The following ARF3 variants were observed in gnomAD, a reference collection of about 807,000 sequenced individuals.
The protein encoded by ARF3 is ARF GTPase 3, also known as ADP-ribosylation factor 3.
ARF3 carries 5 observed loss-of-function variants against 19.3 expected under a neutral mutation model. The ratio of observed to expected loss-of-function variants is 0.26; its 90% CI spans 0.14 to 0.54. The LOEUF (loss-of-function observed/expected upper bound fraction) is 0.54, where lower values mean the gene tolerates loss of function less well. Among genes scored for constraint, ARF3 ranks in the 20% least tolerant of loss-of-function variants. The pLI, the probability that ARF3 is intolerant of heterozygous loss-of-function variation, is 0.95. For synonymous variants in ARF3, 71 were observed against 89.2 expected, an observed-to-expected ratio of 0.80 and a Z score of 1.15; for missense variants, 77 against 234.2, an observed-to-expected ratio of 0.33 and a Z score of 4.38.
At chr12:48,949,590 T>C (rs2137590809) in intron 1 of ARF3, among the ~76,000 whole-genome samples, 1 of 152,204 alleles carries the variant, frequency 6.6e-6, no homozygotes, top group South Asian at 2.1e-4. Flanking sequence ...CCACTCAGAC[T>C]AGAGTGCAGT....
rs541260896 is a variant in ARF3, at chr12:48,943,704, C to T, written c.-93-2516G>A. On this transcript the variant is annotated intron_variant, in intron 1 of 4. Transcript: ENST00000256682. ...CTGAAGACCAAAGTACTAGTTTGTC[C>T]GAAAAAACAGAAACAATGAGTGCTT... Among the ~76,000 whole-genome samples, 8 of 152,172 alleles carry T rather than the reference C, an allele frequency of 5.3e-5. No homozygotes were observed. In the East Asian group the frequency reaches 9.7e-4, roughly 18 times the overall value.
intron 1 of ARF3, among the ~76,000 whole-genome samples, chr12:48,943,679 C>T (rs935323220): frequency 6.6e-6 from 1 of 152,164 alleles, no homozygotes; most frequent in Non-Finnish European, 1.5e-5. Flanking sequence ...TCAACAGTCC[C>T]TGAAGACCAA....
At chr12:48,955,789 A>C (rs901236273) in intron 1 of ARF3, 2 of 152,216 alleles carry the variant, frequency 1.3e-5, no homozygotes, top group Non-Finnish European at 2.9e-5. Context: ...GACAACTATA[A>C]AAATTCTAAC....
At position 48,937,300 on chromosome 12, in the gene ARF3, G is replaced by GC. The variant is rs1023170713; in HGVS notation, c.*1646dup. ...TCAGCCATGCTGTGGGGGGCCCTGG[G>GC]CCCTGACCTTAGCAGGTTATGGGCA... On this transcript the variant is annotated 3_prime_UTR_variant, in exon 5 of 5. Coordinates refer to ENST00000256682, the MANE Select transcript of ARF3 (RefSeq NM_001659.3). The GC allele has an allele frequency of 4.6e-5, 7 of 152,256 alleles. No homozygotes were observed. Among genetic ancestry groups the GC allele is most frequent in the Non-Finnish European group, 1.0e-4 (7 of 68,066 alleles). 9.4% of individuals were successfully genotyped at this position (152,256 alleles called of 1,614,324 possible).
chr12:48,942,053 A>C (rs1940268491), intron 1 of ARF3, among the ~76,000 whole-genome samples: 1 of 152,090 alleles, frequency 6.6e-6, no homozygotes, highest in Non-Finnish European at 1.5e-5. Flanking sequence ...AACCAAACTC[A>C]GGTCATATGA....
rs1165062885 is a variant in ARF3, at chr12:48,938,433, C to T, written c.*514G>A. On this transcript the variant is annotated 3_prime_UTR_variant, in exon 5 of 5. Coordinates refer to ENST00000256682, the MANE Select transcript of ARF3 (RefSeq NM_001659.3). ...AGCTTCACTCCACCCCCTCCCCGCTCCCCCCGGCCCCCACAAATATATCTC... is the reference window on the plus strand; with the variant it reads ...AGCTTCACTCCACCCCCTCCCCGCTTCCCCCGGCCCCCACAAATATATCTC... The T allele has an allele frequency of 2.2e-6, 1 of 453,104 alleles. No individual in the cohort carries two copies. Among genetic ancestry groups the T allele is most frequent in the East Asian group, 7.0e-5 (1 of 14,316 alleles). The allele number at this position is 453,104 out of a possible 1,614,324, so 28.1% of individuals were successfully genotyped here.
intron 1 of ARF3, among the ~76,000 whole-genome samples, chr12:48,946,319 C>T (rs1363076319): frequency 1.3e-5 from 2 of 152,112 alleles, no homozygotes; most frequent in Non-Finnish European, 2.9e-5. Flanking sequence ...TAAAAAAGCA[C>T]TAGGAAGCAG....
Position 48,938,912 on chromosome 12 carries a change from G to C in ARF3, c.*35C>G. 1 of 1,603,846 alleles carries C rather than the reference G, an allele frequency of 6.2e-7. No individual in the cohort carries two copies. The highest frequency in any genetic ancestry group is 1.1e-5 in the South Asian group (1 of 89,876). On this transcript the variant is annotated 3_prime_UTR_variant, in exon 5 of 5. Transcript: ENST00000256682. ...GCAGGGTGACAGTAGGTATGTCAGG[G>C]GTGGGTGGGGTGCTTTGTTAGGGCT...
chr12:48,947,154 T>A (rs988997864), intron 1 of ARF3, among the ~76,000 whole-genome samples: 3 of 152,206 alleles, frequency 2.0e-5, no homozygotes, highest in African/African-American at 7.2e-5. Context: ...AGCTGGCTCG[T>A]GACCTGTGTA....
At chr12:48,955,435 G>A (rs947261199) in intron 1 of ARF3, among the ~76,000 whole-genome samples, 5 of 152,214 alleles carry the variant, frequency 3.3e-5, no homozygotes, top group African/African-American at 1.2e-4. Context: ...TGGGACTGCA[G>A]ATAATGACTC....
Position 48,941,047 on chromosome 12 carries a change from CCTT to C in ARF3, c.46_48del (p.Lys16del), listed in dbSNP as rs1405476887. On this transcript the variant is annotated inframe_deletion, in exon 2 of 5. Coordinates refer to ENST00000256682, the MANE Select transcript of ARF3 (RefSeq NM_001659.3). ...AGGCCCACCATCAGGATGCGCATCT[CCTT>C]CTTCCCAATCAGGCTCTTGAGAAGG... 6.2e-7 allele frequency: 1 copy of C among 1,613,872 alleles called. No homozygotes were observed.
At chr12:48,942,703 C>T (rs1940283361) in intron 1 of ARF3, among the ~76,000 whole-genome samples, 1 of 152,216 alleles carries the variant, frequency 6.6e-6, no homozygotes, top group Admixed American at 6.5e-5. Flanking sequence ...AAGAATAGTG[C>T]CTAGCACACA....
intron 1 of ARF3, among the ~76,000 whole-genome samples, chr12:48,942,109 T>C (rs1722278501): frequency 6.6e-6 from 1 of 152,082 alleles, no homozygotes; most frequent in Non-Finnish European, 1.5e-5. Flanking sequence ...TCCTTTTCAG[T>C]AAAACCCAAG....
chr12:48,956,851 G>A (rs1406539921), intron 1 of ARF3: 1 of 152,394 alleles, frequency 6.6e-6, no homozygotes, highest in African/African-American at 2.4e-5. Context: ...ATGGGGGAGG[G>A]GGTGTAACCA....
At chr12:48,946,234 T>C (rs932372280) in intron 1 of ARF3, among the ~76,000 whole-genome samples, 4 of 152,254 alleles carry the variant, frequency 2.6e-5, no homozygotes, top group African/African-American at 7.2e-5. Context: ...ACCAAGATGG[T>C]AGCAGCTTTC....
chr12:48,935,982 AATTC>A lies in ARF3; in HGVS notation c.*2961_*2964del, dbSNP rs1940136009. On this transcript the variant is annotated 3_prime_UTR_variant, in exon 5 of 5. Transcript: ENST00000256682. ...ACGAAGCCCTCACACTCTGATGCCCAATTCATTTGGGCTCCCCCGCCGCGGGGTA... is the reference window on the plus strand; with the variant it reads ...ACGAAGCCCTCACACTCTGATGCCCAATTTGGGCTCCCCCGCCGCGGGGTA... The A allele has an allele frequency of 6.6e-6, 1 of 152,246 alleles. No homozygotes were observed. The highest frequency in any genetic ancestry group is 1.5e-5 in the Non-Finnish European group (1 of 68,056). 9.4% of individuals were successfully genotyped at this position (152,246 alleles called of 1,614,324 possible).
rs1158328453 is a variant in ARF3 at position 48,957,303 on chromosome 12, C to T, written c.-94+7G>A. ...CCGGGACCCGCCTTCCCTTCCCAGC[C>T]TCTCACCTGTTCCTGCTATCAGCTG... On this transcript the variant is annotated splice_region_variant and intron_variant, in intron 1 of 4. Transcript: ENST00000256682. 2 of 154,774 alleles carry T rather than the reference C, an allele frequency of 1.3e-5. No homozygotes were observed. Among genetic ancestry groups the T allele is most frequent in the Non-Finnish European group, 1.4e-5 (1 of 70,122 alleles). The allele number at this position is 154,774 out of a possible 1,614,324, so 9.6% of individuals were successfully genotyped here. A position where few individuals can be genotyped will look rare whatever the true frequency, so the allele number is the denominator to read the frequency against.
chr12:48,938,620 C>A lies in ARF3; in HGVS notation c.*327G>T. ...TCAGATGCCAAGAGGACAGCAACCA[C>A]TGCCAAACAAAGAGAATACCCCACT... On this transcript the variant is annotated 3_prime_UTR_variant, in exon 5 of 5. Transcript: ENST00000256682. 1 of 446,850 alleles carries A rather than the reference C, an allele frequency of 2.2e-6. No individual in the cohort carries two copies. 27.7% of individuals were successfully genotyped at this position (446,850 alleles called of 1,614,324 possible).
intron 1 of ARF3, among the ~76,000 whole-genome samples, chr12:48,953,590 C>A (rs1172829410): frequency 1.3e-5 from 2 of 152,134 alleles, no homozygotes; most frequent in African/African-American, 2.4e-5. Flanking sequence ...TACCAAGAGA[C>A]CTGCCACACC....
Sources: allele counts gnomAD v4.1 joint callset (sites outside exome capture counted in the v4.1 genomes callset), GRCh38; gene constraint gnomAD v4.1.1; transcripts MANE v1.5; gene names NCBI Gene and HGNC (gene_info 2026-07-23, HGNC 2026-07-21).